Variants in FOCAD observed in about 807,000 individuals in gnomAD.
The protein encoded by FOCAD is focadhesin.
A neutral mutation model predicts 225.6 loss-of-function variants in FOCAD; 198 were observed. The ratio of observed to expected loss-of-function variants is 0.88; its 90% CI spans 0.78 to 0.99. The LOEUF (loss-of-function observed/expected upper bound fraction) is 0.99. Ranked by LOEUF, FOCAD falls within the 50% of genes least tolerant of loss-of-function variation. The pLI is 0.00. For missense variants in FOCAD, 2,713 were observed against 2,123.6 expected, an observed-to-expected ratio of 1.28 and a Z score of -5.46; for synonymous variants, 897 against 755.0, an observed-to-expected ratio of 1.19 and a Z score of -3.08.
rs748154736 is a variant in FOCAD, at chr9:20,990,184, C to T, written c.5066C>T (p.Ala1689Val). The stretch of plus-strand genomic sequence containing the variant: ...GTGGTTGCATGGGCTGACCACACTG[C>T]CCCTCTCCTCCTCGGCCTCAGTGCC... ...TAVVAWADHT[A>V]PLLLGLSASW... Residue 1689 changes from alanine to valine, a missense_variant, in exon 42 of 44, where the codon GCC becomes GTC. Transcript: ENST00000338382. 3.1e-6 allele frequency: 5 copies of T among 1,614,188 alleles called. No individual in the cohort carries two copies. The highest frequency in any genetic ancestry group is 1.7e-5 in the Admixed American group (1 of 60,032).
chr9:20,945,737 G>A (rs982754346), intron 29 of FOCAD, among the ~76,000 whole-genome samples: 1 of 152,086 alleles, frequency 6.6e-6, no homozygotes, highest in Non-Finnish European at 1.5e-5. Context: ...CATCTGTAAT[G>A]TTTTGATTTA....
intron 1 of FOCAD, among the ~76,000 whole-genome samples, chr9:20,712,840 C>A (rs1252716221): frequency 2.1e-5 from 3 of 142,792 alleles, no homozygotes; most frequent in Non-Finnish European, 3.0e-5. Context: ...TCAAGTGATT[C>A]TCCTATCCCA....
chr9:20,955,435 C>G (rs1838047335), intron 35 of FOCAD, among the ~76,000 whole-genome samples: 1 of 151,982 alleles, frequency 6.6e-6, no homozygotes, highest in South Asian at 2.1e-4. Flanking sequence ...TTCTTTCATG[C>G]AGACCCACAT....
intron 15 of FOCAD, among the ~76,000 whole-genome samples, chr9:20,851,666 T>A (rs1238442919): frequency 1.3e-5 from 2 of 152,026 alleles, no homozygotes; most frequent in East Asian, 3.9e-4. Context: ...CTAGACCTAC[T>A]GAGTTAGAAT....
intron 3 of FOCAD, among the ~76,000 whole-genome samples, chr9:20,719,180 C>G (rs952241281): frequency 3.3e-5 from 5 of 151,998 alleles, no homozygotes; most frequent in African/African-American, 1.2e-4. Flanking sequence ...CTCCTGGGTT[C>G]AAGCAGTTCT....
chr9:20,672,269 G>A (rs965472924), intron 2 of FOCAD, among the ~76,000 whole-genome samples: 2 of 152,178 alleles, frequency 1.3e-5, no homozygotes, highest in Non-Finnish European at 2.9e-5. Flanking sequence ...TGTAGAAGAA[G>A]TGAGAAGTAT....
chr9:20,911,836 A>G (rs1292532954), intron 22 of FOCAD, among the ~76,000 whole-genome samples: 1 of 152,114 alleles, frequency 6.6e-6, no homozygotes, highest in Admixed American at 6.6e-5. Flanking sequence ...CTTTTCTTCT[A>G]TACACTATAT....
At chr9:20,907,783 A>C (rs1433525403) in intron 22 of FOCAD, among the ~76,000 whole-genome samples, 1 of 151,840 alleles carries the variant, frequency 6.6e-6, no homozygotes, top group Non-Finnish European at 1.5e-5. Flanking sequence ...TTCTTTACCC[A>C]CCTAATTTCT....
chr9:20,789,257 A>G lies in FOCAD; in HGVS notation c.1198-94A>G, dbSNP rs1820266734. On this transcript the variant is annotated intron_variant, in intron 10 of 43. Transcript: ENST00000338382. ...TGTATTCATTTTGTTGGAAGGAGTG[A>G]TATCTTACAATGAAATATAAGAATG... 4.4e-6 allele frequency: 6 copies of G among 1,359,170 alleles called. No individual in the cohort carries two copies. The Admixed American group carries it at 9.3e-5, about 21-fold the overall frequency. 84.2% of individuals were successfully genotyped at this position (1,359,170 alleles called of 1,614,324 possible).
At position 20,987,015 on chromosome 9, in the gene FOCAD, C is replaced by T. The variant is rs186662640; in HGVS notation, c.4906+550C>T. Among the ~76,000 whole-genome samples the T allele has an allele frequency of 7.1e-4, 108 of 152,132 alleles. 1 individual carries two copies. The highest frequency in any genetic ancestry group is 1.8e-3 in the Admixed American group (27 of 15,290). On this transcript the variant is annotated intron_variant, in intron 40 of 43. Coordinates refer to ENST00000338382, the MANE Select transcript of FOCAD (RefSeq NM_001375567.1). ...TGCTTTAATAATTACTGAATAAGAG[C>T]GCTCCCCCATTGCTCTATCCAGGTT...
chr9:20,951,157 C>G (rs1226160595), intron 34 of FOCAD, 59 bp downstream of exon 34: 1 of 1,300,740 alleles, frequency 7.7e-7, no homozygotes, highest in Non-Finnish European at 1.1e-6. Context: ...ACCCAGCGCT[C>G]TGTAGTTTGT....
At chr9:20,938,169 T>A (rs939080623) in intron 28 of FOCAD, among the ~76,000 whole-genome samples, 2 of 152,246 alleles carry the variant, frequency 1.3e-5, no homozygotes, top group African/African-American at 4.8e-5. Flanking sequence ...GAAGTCAGTG[T>A]GGCGATTCCT....
chr9:20,908,202 T>C (rs1451320953), intron 22 of FOCAD, among the ~76,000 whole-genome samples: 2 of 152,080 alleles, frequency 1.3e-5, no homozygotes, highest in East Asian at 3.9e-4. Flanking sequence ...AGAAATCCGA[T>C]GTTACTGAAG....
intron 2 of FOCAD, among the ~76,000 whole-genome samples, chr9:20,663,105 G>T (rs892687220): frequency 2.0e-5 from 3 of 152,076 alleles, no homozygotes; most frequent in African/African-American, 4.8e-5. Context: ...ATTAAATTAG[G>T]CTGGGTGTGA....
rs776551409 is a variant in FOCAD at position 20,981,724 on chromosome 9, G to A, written c.4638+38G>A. 8.2e-6 allele frequency: 13 copies of A among 1,578,348 alleles called. No individual in the cohort carries two copies. The African/African-American group carries it at 1.2e-4, about 15-fold the overall frequency. On this transcript the variant is annotated intron_variant, in intron 38 of 43. Transcript: ENST00000338382. ...AATATTTACATTCCTGACAATTTAT[G>A]TTTGGGATATTTTAAAGGCTTCTTG... is the stretch of plus-strand genomic sequence containing the variant.
intron 30 of FOCAD, among the ~76,000 whole-genome samples, chr9:20,947,839 C>G (rs536080227): frequency 1.3e-5 from 2 of 152,210 alleles, no homozygotes; most frequent in African/African-American, 4.8e-5. Context: ...TATATACCCG[C>G]TCACTTACAT....
chr9:20,864,308 T>G (rs1316766146), intron 16 of FOCAD, among the ~76,000 whole-genome samples: 1 of 152,106 alleles, frequency 6.6e-6, no homozygotes, highest in Admixed American at 6.6e-5. Flanking sequence ...CCAACCTGTT[T>G]ACAACAAGTC....
chr9:20,725,269 C>T (rs78419314), intron 4 of FOCAD, among the ~76,000 whole-genome samples: 1 of 152,154 alleles, frequency 6.6e-6, no homozygotes, highest in Non-Finnish European at 1.5e-5. Context: ...TTCTACTTGT[C>T]TCTGCCTTCT....
At chr9:20,755,575 A>C (rs1828976236) in intron 5 of FOCAD, among the ~76,000 whole-genome samples, 1 of 152,144 alleles carries the variant, frequency 6.6e-6, no homozygotes, top group African/African-American at 2.4e-5. Flanking sequence ...ATGACTTATA[A>C]AGGAAGAATA....
Sources: gnomAD v4.1 joint callset for allele counts (sites outside exome capture counted in the v4.1 genomes callset) on GRCh38, gnomAD v4.1.1 for gene constraint, MANE v1.5 for transcripts, NCBI Gene and HGNC (gene_info 2026-07-23, HGNC 2026-07-21) for gene names.